PCNX2: variants seen among roughly 807,000 people sequenced by gnomAD.
The protein encoded by PCNX2 is pecanex-like protein 2.
A neutral mutation model predicts 223.8 loss-of-function variants in PCNX2; 168 were observed. That is an observed-to-expected ratio of 0.75 (90% CI 0.66 to 0.85). The LOEUF is 0.85. Among genes scored for constraint, PCNX2 ranks in the 40% least tolerant of loss-of-function variants. The pLI is 0.00. For synonymous variants in PCNX2, 1,006 were observed against 1,052.6 expected (o/e 0.96, Z 0.86); for missense variants, 2,507 against 2,675.5 (o/e 0.94, Z 1.39).
chr1:233,012,056 G>C (rs1289667936), intron 28 of PCNX2, among the ~76,000 whole-genome samples: 1 of 152,150 alleles, frequency 6.6e-6, no homozygotes, highest in Non-Finnish European at 1.5e-5. Flanking sequence ...GTTCACCACA[G>C]AAGTGGTGCT....
At chr1:233,225,620 A>G (rs1286972751) in intron 10 of PCNX2, among the ~76,000 whole-genome samples, 1 of 152,252 alleles carries the variant, frequency 6.6e-6, no homozygotes, top group Non-Finnish European at 1.5e-5. Flanking sequence ...AAGTGCGGTC[A>G]TCCTCATCAT....
intron 23 of PCNX2, among the ~76,000 whole-genome samples, chr1:233,084,174 G>A (rs970031491): frequency 2.0e-5 from 3 of 152,164 alleles, no homozygotes; most frequent in African/African-American, 4.8e-5. Context: ...CTAACCGAGC[G>A]TATGTGCTGG....
intron 21 of PCNX2, among the ~76,000 whole-genome samples, chr1:233,121,528 T>C (rs932881134): frequency 6.6e-6 from 1 of 152,160 alleles, no homozygotes; most frequent in African/African-American, 2.4e-5. Flanking sequence ...AAAAGACCCA[T>C]ACAAATATGG....
chr1:233,266,581 AATGC>A (rs1660342803), intron 1 of PCNX2, among the ~76,000 whole-genome samples: 1 of 152,202 alleles, frequency 6.6e-6, no homozygotes, highest in Non-Finnish European at 1.5e-5. Flanking sequence ...TAGAGGTGTG[AATGC>A]AGGCAGAGAA....
chr1:233,139,627 C>T lies in PCNX2; in HGVS notation c.3659+87G>A. The T allele has an allele frequency of 6.9e-7, 1 of 1,453,640 alleles. No individual in the cohort carries two copies. The highest frequency in any genetic ancestry group is 9.3e-7 in the Non-Finnish European group (1 of 1,080,316). 90.0% of individuals were successfully genotyped at this position (1,453,640 alleles called of 1,614,324 possible). A position where few individuals can be genotyped will look rare whatever the true frequency, so the allele number is the denominator to read the frequency against. On this transcript the variant is annotated intron_variant, in intron 20 of 33. Transcript: ENST00000258229. The surrounding 1 kb of genome is among the most constrained non-coding windows in gnomAD (Gnocchi z 4.4). ...GCCAATCACAGTCGGTAAAGGTTGG[C>T]TTCTTCTGCAGATTGTTTACAGAAA...
Position 233,295,201 on chromosome 1 carries a change from C to G in PCNX2, c.153+125G>C. The G allele has an allele frequency of 7.4e-7, 1 of 1,352,086 alleles. No homozygotes were observed. Among genetic ancestry groups the G allele is most frequent in the African/African-American group, 1.5e-5 (1 of 68,038 alleles). 83.8% of individuals were successfully genotyped at this position (1,352,086 alleles called of 1,614,324 possible). A position where few individuals can be genotyped will look rare whatever the true frequency, so the allele number is the denominator to read the frequency against. On this transcript the variant is annotated intron_variant, in intron 1 of 33. Transcript: ENST00000258229. This position sits in a 1 kb window ranked among gnomAD's most constrained non-coding sequence, Gnocchi z 4.1. The stretch of plus-strand genomic sequence containing the variant: ...CTGTCCCAAATTTCTGAAGCCCCTC[C>G]CTTTCCGTCTCTTAAGAATCTCTAC...
In PCNX2 at chr1:233,164,817, AT is replaced by A. The variant is rs530452829; in HGVS notation, c.3274-3455del. ...ACCACTGAGTTCACTTATTTGTAGAATCTAAAAAAGCCAATCTCATAGAAGT... is the reference window on the plus strand; with the variant it reads ...ACCACTGAGTTCACTTATTTGTAGAACTAAAAAAGCCAATCTCATAGAAGT... On this transcript the variant is annotated intron_variant, in intron 17 of 33. Coordinates refer to ENST00000258229, the MANE Select transcript of PCNX2 (RefSeq NM_014801.4). Among the ~76,000 whole-genome samples the A allele has an allele frequency of 2.7e-4, 41 of 152,192 alleles. No individual in the cohort carries two copies. In the South Asian group the frequency reaches 8.3e-3, roughly 31 times the overall value.
intron 17 of PCNX2, among the ~76,000 whole-genome samples, chr1:233,165,310 T>C (rs965270507): frequency 3.9e-5 from 6 of 152,298 alleles, no homozygotes; most frequent in African/African-American, 1.4e-4. Flanking sequence ...AATATATGCC[T>C]CCTAGGGCAC....
At chr1:233,292,741 G>A (rs1661844376) in intron 1 of PCNX2, among the ~76,000 whole-genome samples, 1 of 151,932 alleles carries the variant, frequency 6.6e-6, no homozygotes, top group Non-Finnish European at 1.5e-5. Context: ...TTGGGGAAGA[G>A]GGCCTTTTAT....
chr1:233,268,265 T>C (rs1168707757), intron 1 of PCNX2, among the ~76,000 whole-genome samples: 2 of 152,200 alleles, frequency 1.3e-5, no homozygotes, highest in African/African-American at 2.4e-5. Context: ...AGCTGTGCTG[T>C]GTTACATCAC....
chr1:233,004,094 T>C (rs1451344799), intron 28 of PCNX2, among the ~76,000 whole-genome samples: 1 of 151,982 alleles, frequency 6.6e-6, no homozygotes, highest in African/African-American at 2.4e-5. Flanking sequence ...ATGGTACGTG[T>C]ATACCTGCAC....
At chr1:233,204,829 G>C (rs575450261) in intron 13 of PCNX2, among the ~76,000 whole-genome samples, 5 of 152,082 alleles carry the variant, frequency 3.3e-5, no homozygotes, top group Admixed American at 6.5e-5. Context: ...ATTTTTACTT[G>C]TCACTGTTGA....
At chr1:233,229,984 A>G (rs149921272) in intron 9 of PCNX2, among the ~76,000 whole-genome samples, 13 of 152,312 alleles carry the variant, frequency 8.5e-5, no homozygotes, top group African/African-American at 2.6e-4. Flanking sequence ...TCAAATTCAA[A>G]TATTTCTCAT....
At chr1:233,153,203 A>G (rs1677922387) in intron 19 of PCNX2, among the ~76,000 whole-genome samples, 1 of 152,128 alleles carries the variant, frequency 6.6e-6, no homozygotes, top group South Asian at 2.1e-4. Flanking sequence ...AGAATAAAAC[A>G]CTTTGAGCAG....
intron 19 of PCNX2, among the ~76,000 whole-genome samples, chr1:233,155,067 CAAAAAAA>C (rs558141357): frequency 1.1e-5 from 1 of 94,990 alleles, no homozygotes. Context: ...GACTCCGTCT[CAAAAAAA>C]AAAAAAAAAA....
chr1:233,188,121 G>A (rs1680208501), intron 15 of PCNX2, among the ~76,000 whole-genome samples: 1 of 152,186 alleles, frequency 6.6e-6, no homozygotes, highest in Admixed American at 6.5e-5. Context: ...TAGGTCAGGT[G>A]CTTGAGCAGA....
Position 233,070,756 on chromosome 1 carries a change from G to C in PCNX2, c.4077-13466C>G, listed in dbSNP as rs191372440. ...GATCATCTATAAAAACCTACAGCTGGCCAGGCACAGTGGCTCATGCCTGTA... is the reference window on the plus strand; with the variant it reads ...GATCATCTATAAAAACCTACAGCTGCCCAGGCACAGTGGCTCATGCCTGTA... On this transcript the variant is annotated intron_variant, in intron 23 of 33. Coordinates refer to ENST00000258229, the MANE Select transcript of PCNX2 (RefSeq NM_014801.4). Among the ~76,000 whole-genome samples, 319 of 152,222 alleles carry C rather than the reference G, an allele frequency of 2.1e-3. 5 individuals carry two copies. Among genetic ancestry groups the C allele is most frequent in the Admixed American group, 0.013 (194 of 15,290 alleles).
At chr1:233,245,641 C>T (rs544514483) in intron 8 of PCNX2, among the ~76,000 whole-genome samples, 6 of 152,260 alleles carry the variant, frequency 3.9e-5, no homozygotes, top group African/African-American at 9.6e-5. Flanking sequence ...ATCGGCTGGG[C>T]GTGGTGACTC....
At chr1:233,269,840 T>C (rs1660553318) in intron 1 of PCNX2, among the ~76,000 whole-genome samples, 2 of 152,060 alleles carry the variant, frequency 1.3e-5, no homozygotes, top group Non-Finnish European at 1.5e-5. Flanking sequence ...CTTAGTCTGG[T>C]TATTTATGCC....
Sources: allele counts gnomAD v4.1 joint callset (sites outside exome capture counted in the v4.1 genomes callset), GRCh38; gene constraint gnomAD v4.1.1; non-coding constraint Gnocchi (gnomAD v3.1); transcripts MANE v1.5; gene names NCBI Gene and HGNC (gene_info 2026-07-23, HGNC 2026-07-21).